EFNA2: variants seen among roughly 807,000 people sequenced by gnomAD.
EFNA2 encodes the protein ephrin-A2.
EFNA2 carries 18 observed loss-of-function variants against 19.7 expected under a neutral mutation model. That is an observed-to-expected ratio of 0.91 (90% CI 0.63 to 1.35). The LOEUF (loss-of-function observed/expected upper bound fraction) is 1.35, where lower values mean the gene tolerates loss of function less well. Among genes scored for constraint, EFNA2 ranks in the 40% most tolerant of loss-of-function variants. EFNA2 has a pLI of 0.00. For missense variants in EFNA2, 303 were observed against 296.0 expected, an observed-to-expected ratio of 1.02 and a Z score of -0.17; for synonymous variants, 187 against 137.8, an observed-to-expected ratio of 1.36 and a Z score of -2.50.
At chr19:1,284,834 A>T (rs780455443), upstream of EFNA2, among the ~76,000 whole-genome samples, 4 of 152,224 alleles carry the variant, frequency 2.6e-5, no homozygotes, top group Non-Finnish European at 5.9e-5. This position sits in a 1 kb window ranked among gnomAD's most constrained non-coding sequence, Gnocchi z 5.3. Context: ...AATGACACTA[A>T]TTCAGAGACG....
At chr19:1,285,209 C>T (rs982560454), upstream of EFNA2, among the ~76,000 whole-genome samples, 2 of 152,222 alleles carry the variant, frequency 1.3e-5, no homozygotes, top group Non-Finnish European at 2.9e-5. The surrounding 1 kb of genome is among the most constrained non-coding windows in gnomAD (Gnocchi z 4.1). Context: ...ACAAGCTGTG[C>T]CCCCGGGCAG....
At chr19:1,284,691 C>T (rs571671088), upstream of EFNA2, among the ~76,000 whole-genome samples, 2 of 152,314 alleles carry the variant, frequency 1.3e-5, no homozygotes, top group Admixed American at 1.3e-4. The surrounding 1 kb of genome is among the most constrained non-coding windows in gnomAD (Gnocchi z 5.3). Context: ...CTTGCTGGGG[C>T]ACAGGTTAGC....
Position 1,300,372 on chromosome 19 carries a change from G to A in EFNA2, c.*427G>A, listed in dbSNP as rs563629599. On this transcript the variant is annotated 3_prime_UTR_variant, in exon 4 of 4. Transcript: ENST00000215368. ...GGGCGGGGTCCCTGTGCCCTGGCCT[G>A]GGGGAGGGGAACGCGGAACATGGGG... The A allele has an allele frequency of 7.5e-5, 12 of 159,274 alleles. No homozygotes were observed. Among genetic ancestry groups the A allele is most frequent in the Middle Eastern group, 3.1e-3 (1 of 320 alleles). 9.9% of individuals were successfully genotyped at this position (159,274 alleles called of 1,614,324 possible). A position where few individuals can be genotyped will look rare whatever the true frequency, so the allele number is the denominator to read the frequency against.
intron 3 of EFNA2, 116 bp downstream of exon 3, chr19:1,298,732 C>A: frequency 2.7e-6 from 3 of 1,103,478 alleles, no homozygotes; most frequent in South Asian, 1.5e-5. Context: ...CCCTATCTTG[C>A]CCTGCCTTGC....
At position 1,300,032 on chromosome 19, in the gene EFNA2, G is replaced by T; in HGVS notation, c.*87G>T. The T allele has an allele frequency of 6.9e-7, 1 of 1,459,554 alleles. No individual in the cohort carries two copies. Among genetic ancestry groups the T allele is most frequent in the South Asian group, 1.3e-5 (1 of 74,514 alleles). The allele number at this position is 1,459,554 out of a possible 1,614,324, so 90.4% of individuals were successfully genotyped here. On this transcript the variant is annotated 3_prime_UTR_variant, in exon 4 of 4. Transcript: ENST00000215368. The stretch of plus-strand genomic sequence containing the variant: ...CCCTCCGGACCCGGCTGCGGCCCCC[G>T]CCTCCGAGACCAAATAGAGACGCTG...
chr19:1,290,935 C>G (rs955215034), intron 1 of EFNA2, among the ~76,000 whole-genome samples: 5 of 152,330 alleles, frequency 3.3e-5, no homozygotes, highest in African/African-American at 4.8e-5. Flanking sequence ...TGCTCCCAGA[C>G]CAGGCTGGTG....
intron 3 of EFNA2, among the ~76,000 whole-genome samples, chr19:1,299,417 G>T (rs551967583): frequency 2.0e-5 from 3 of 151,344 alleles, no homozygotes. Flanking sequence ...TTAGCCGGGC[G>T]TGGTGGCACA....
intron 2 of EFNA2, among the ~76,000 whole-genome samples, chr19:1,298,181 G>C (rs959079368): frequency 5.3e-5 from 8 of 151,238 alleles, no homozygotes; most frequent in Non-Finnish European, 1.2e-4. Context: ...CAGAGGCAGA[G>C]ATTTGAACCC....
At position 1,300,015 on chromosome 19, in the gene EFNA2, A is replaced by G. The variant is rs764899315; in HGVS notation, c.*70A>G. 1.7e-5 allele frequency: 26 copies of G among 1,499,924 alleles called. No homozygotes were observed. The highest frequency in any genetic ancestry group is 2.1e-5 in the Non-Finnish European group (24 of 1,130,018). The allele number at this position is 1,499,924 out of a possible 1,614,324, so 92.9% of individuals were successfully genotyped here. On this transcript the variant is annotated 3_prime_UTR_variant, in exon 4 of 4. Transcript: ENST00000215368. The stretch of plus-strand genomic sequence containing the variant: ...GGACCGCCTGACCTCGGCCCTCCGG[A>G]CCCGGCTGCGGCCCCCGCCTCCGAG...
At position 1,288,082 on chromosome 19, in the gene EFNA2, G is replaced by A. The variant is rs971820684; in HGVS notation, c.140+1774G>A. Among the ~76,000 whole-genome samples, 6 of 152,252 alleles carry A rather than the reference G, an allele frequency of 3.9e-5. No homozygotes were observed. In the South Asian group the frequency reaches 1.2e-3, roughly 31 times the overall value. On this transcript the variant is annotated intron_variant, in intron 1 of 3. Transcript: ENST00000215368. Reference sequence around the variant, plus strand: ...CCTGAGGGAACGGCCTTGCTGGTCCGCAGAGCCGACCTGGGCAGCACCGAG... The same window carrying A: ...CCTGAGGGAACGGCCTTGCTGGTCCACAGAGCCGACCTGGGCAGCACCGAG...
At chr19:1,291,990 C>T (rs536928176) in intron 1 of EFNA2, among the ~76,000 whole-genome samples, 3 of 152,180 alleles carry the variant, frequency 2.0e-5, no homozygotes, top group African/African-American at 4.8e-5. Flanking sequence ...AAACTGCCAC[C>T]GCTGCTCTGT....
Position 1,295,412 on chromosome 19 carries a change from A to T in EFNA2, c.141-133A>T. On this transcript the variant is annotated intron_variant, in intron 1 of 3. Coordinates refer to ENST00000215368, the MANE Select transcript of EFNA2 (RefSeq NM_001405.4). The surrounding 1 kb of genome is among the most constrained non-coding windows in gnomAD (Gnocchi z 5.8). The stretch of plus-strand genomic sequence containing the variant: ...CCCTGACCCGTCCCCCGTGCTCCTG[A>T]CCCCGGCCCTCGCCGCGCACCCCGA... 2 of 863,070 alleles carry T rather than the reference A, an allele frequency of 2.3e-6. No individual in the cohort carries two copies. Among genetic ancestry groups the T allele is most frequent in the Non-Finnish European group, 3.3e-6 (2 of 605,320 alleles). 53.5% of individuals were successfully genotyped at this position (863,070 alleles called of 1,614,324 possible).
In EFNA2 at chr19:1,299,883, C is replaced by G; in HGVS notation, c.580C>G (p.Pro194Ala). 6.2e-7 allele frequency: 1 copy of G among 1,604,542 alleles called. No individual in the cohort carries two copies. Among genetic ancestry groups the G allele is most frequent in the African/African-American group, 1.3e-5 (1 of 74,970 alleles). Residue 194 changes from proline (P) to alanine (A), a missense_variant, in exon 4 of 4, where the codon CCG (proline) becomes GCG (alanine). Pro to Ala is a conservative substitution (Grantham distance 27). Coordinates refer to ENST00000215368, the MANE Select transcript of EFNA2 (RefSeq NM_001405.4). The stretch of plus-strand genomic sequence containing the variant: ...CACCAGCAATAACTCGTGTAGCAGC[C>G]CGGGCGGCTGCCGCCTCTTCCTCAG... Reference protein sequence around the residue: ...IFTSNNSCSSPGGCRLFLSTI... With the variant: ...IFTSNNSCSSAGGCRLFLSTI...
Position 1,295,655 on chromosome 19 carries a change from A to G in EFNA2, c.251A>G (p.Glu84Gly). 2 of 1,611,666 alleles carry G rather than the reference A, an allele frequency of 1.2e-6. No homozygotes were observed. Among genetic ancestry groups the G allele is most frequent in the Non-Finnish European group, 1.7e-6 (2 of 1,179,414 alleles). The change falls in exon 2 of 4, where the codon GAG becomes GGG. Residue 84 changes from glutamate (E) to glycine (G), a missense_variant. Transcript: ENST00000215368. This position sits in a 1 kb window ranked among gnomAD's most constrained non-coding sequence, Gnocchi z 5.8. ...TATGGGGCGCCGCTGCCGCCGGCCG[A>G]GCGCATGGAGCACTACGTGCTGTAC... ...PHYGAPLPPA[E>G]RMEHYVLYMV...
At chr19:1,293,909 C>T (rs1441297136) in intron 1 of EFNA2, among the ~76,000 whole-genome samples, 3 of 152,228 alleles carry the variant, frequency 2.0e-5, no homozygotes, top group East Asian at 1.9e-4. Flanking sequence ...CTCAGGGTGG[C>T]GGGGGGCCGG....
chr19:1,286,240 GCGCGCCGAGGACGCCGCC>G lies in EFNA2; in HGVS notation c.79_96del (p.Glu27_Ala32del). 8.9e-7 allele frequency: 1 copy of G among 1,129,070 alleles called. No homozygotes were observed. The highest frequency in any genetic ancestry group is 1.1e-6 in the Non-Finnish European group (1 of 907,538). The allele number at this position is 1,129,070 out of a possible 1,614,324, so 69.9% of individuals were successfully genotyped here. On this transcript the variant is annotated inframe_deletion, in exon 1 of 4. Transcript: ENST00000215368. This position sits in a 1 kb window ranked among gnomAD's most constrained non-coding sequence, Gnocchi z 5.6. ...TACCGCTGCCGCCGCCGCCCTTCGC[GCGCGCCGAGGACGCCGCC>G]CGCGCCAACTCGGACCGCTACGCCG...
Position 1,300,149 on chromosome 19 carries a change from C to T in EFNA2, c.*204C>T, listed in dbSNP as rs1429062860. ...AGGGAGGGGAAACGGCCGAGAGCCC[C>T]CCCCCGGAGGCCCGAGGGGCCGGGG... On this transcript the variant is annotated 3_prime_UTR_variant, in exon 4 of 4. Coordinates refer to ENST00000215368, the MANE Select transcript of EFNA2 (RefSeq NM_001405.4). 3 of 673,932 alleles carry T rather than the reference C, an allele frequency of 4.5e-6. No individual in the cohort carries two copies. Among genetic ancestry groups the T allele is most frequent in the Admixed American group, 7.5e-5 (2 of 26,828 alleles). 41.7% of individuals were successfully genotyped at this position (673,932 alleles called of 1,614,324 possible).
At chr19:1,289,906 T>C (rs1388236461) in intron 1 of EFNA2, among the ~76,000 whole-genome samples, 1 of 152,000 alleles carries the variant, frequency 6.6e-6, no homozygotes, top group African/African-American at 2.4e-5. Context: ...TAAGGGTTTT[T>C]TGTTTTGTTT....
chr19:1,293,709 C>A (rs2081501763), intron 1 of EFNA2, among the ~76,000 whole-genome samples: 1 of 152,244 alleles, frequency 6.6e-6, no homozygotes, highest in African/African-American at 2.4e-5. Flanking sequence ...TGTCCCTGGA[C>A]GAATCCAACC....
Sources: allele counts gnomAD v4.1 joint callset (sites outside exome capture counted in the v4.1 genomes callset), GRCh38; gene constraint gnomAD v4.1.1; non-coding constraint Gnocchi (gnomAD v3.1); transcripts MANE v1.5; gene names NCBI Gene and HGNC (gene_info 2026-07-23, HGNC 2026-07-21).